The following PPP2R2B variants were observed in gnomAD, a reference collection of about 807,000 sequenced individuals.
PPP2R2B encodes serine/threonine-protein phosphatase 2A 55 kDa regulatory subunit B beta isoform.
PPP2R2B carries 5 observed loss-of-function variants against 46.0 expected under a neutral mutation model. The observed-to-expected ratio is 0.11, with a 90% CI of 0.06 to 0.23. The LOEUF is 0.23. PPP2R2B is among the 10% of genes least tolerant of loss of function. The pLI is 1.00. For missense variants in PPP2R2B, 367 were observed against 575.0 expected (o/e 0.64, Z 3.70); for synonymous variants, 215 against 206.7 (o/e 1.04, Z -0.34).
intron 1 of PPP2R2B, among the ~76,000 whole-genome samples, chr5:146,966,516 A>G (rs1752418772): frequency 6.6e-6 from 1 of 152,160 alleles, no homozygotes; most frequent in Non-Finnish European, 1.5e-5. Flanking sequence ...GACATGACCT[A>G]AGGCCCCTCC....
chr5:146,630,568 C>G lies in PPP2R2B; in HGVS notation c.790+7683G>C, dbSNP rs116082062. Among the ~76,000 whole-genome samples the G allele has an allele frequency of 4.4e-3, 677 of 152,288 alleles. 7 individuals carry two copies. The highest frequency in any genetic ancestry group is 0.016 in the African/African-American group (651 of 41,550). Reference sequence around the variant, plus strand: ...CCCCTTTTAGCTAGTTGCCTCATCTCTAAGATGTGAATAATGGCAGTATGT... The same window carrying G: ...CCCCTTTTAGCTAGTTGCCTCATCTGTAAGATGTGAATAATGGCAGTATGT... On this transcript the variant is annotated intron_variant, in intron 7 of 9. Transcript: ENST00000394411.
chr5:146,916,957 T>C lies in PPP2R2B; in HGVS notation c.79+138708A>G, dbSNP rs138439194. On this transcript the variant is annotated intron_variant, in intron 1 of 8. Transcript: ENST00000336640. The stretch of plus-strand genomic sequence containing the variant: ...CATCTAAAAATTACTTATACAAATA[T>C]AAGTAATTACCAAAGGTATTTTTGT... 2.0e-3 allele frequency among the ~76,000 whole-genome samples: 309 copies of C among 152,198 alleles called. 1 individual carries two copies. Among genetic ancestry groups the C allele is most frequent in the African/African-American group, 7.0e-3 (292 of 41,518 alleles).
intron 2 of PPP2R2B, among the ~76,000 whole-genome samples, chr5:146,756,267 C>T (rs1753825090): frequency 6.6e-6 from 1 of 152,158 alleles, no homozygotes; most frequent in Admixed American, 6.5e-5. Context: ...TTCATTGCCT[C>T]ATTTAATGGG....
intron 5 of PPP2R2B, among the ~76,000 whole-genome samples, chr5:146,663,048 C>T (rs77465118): frequency 0.028 from 4,257 of 152,208 alleles, 190 homozygotes; most frequent in African/African-American, 0.097. Context: ...AGAATTTACT[C>T]TATGCCAGTC....
chr5:147,005,892 T>G (rs1409741514), intron 1 of PPP2R2B, among the ~76,000 whole-genome samples: 2 of 152,196 alleles, frequency 1.3e-5, no homozygotes, highest in African/African-American at 4.8e-5. Context: ...TTAAAACCTA[T>G]AATTGATAAT....
At chr5:146,818,651 G>A (rs938149872) in intron 2 of PPP2R2B, among the ~76,000 whole-genome samples, 3 of 152,174 alleles carry the variant, frequency 2.0e-5, no homozygotes, top group African/African-American at 7.2e-5. Context: ...CCATGATATA[G>A]TTTCATTTTT....
intron 1 of PPP2R2B, among the ~76,000 whole-genome samples, chr5:146,908,472 A>C (rs1763072768): frequency 6.6e-6 from 1 of 151,920 alleles, no homozygotes; most frequent in African/African-American, 2.4e-5. Context: ...TTTTTTGAAC[A>C]TACATATGTA....
intron 1 of PPP2R2B, among the ~76,000 whole-genome samples, chr5:147,053,578 A>G (rs1756936302): frequency 6.6e-6 from 1 of 152,058 alleles, no homozygotes; most frequent in African/African-American, 2.4e-5. Context: ...ACACAACCTC[A>G]GATGTATACT....
intron 5 of PPP2R2B, among the ~76,000 whole-genome samples, chr5:146,672,688 C>T (rs1334001365): frequency 6.6e-6 from 1 of 152,150 alleles, no homozygotes; most frequent in East Asian, 1.9e-4. Context: ...ATAAAGATGG[C>T]AGACCAACCT....
intron 1 of PPP2R2B, among the ~76,000 whole-genome samples, chr5:146,992,846 G>A (rs929417007): frequency 6.6e-6 from 1 of 152,192 alleles, no homozygotes; most frequent in Non-Finnish European, 1.5e-5. Flanking sequence ...GGGGGCTATG[G>A]TAGATAATAT....
intron 7 of PPP2R2B, among the ~76,000 whole-genome samples, chr5:146,631,147 A>G (rs1279783693): frequency 6.6e-6 from 1 of 152,184 alleles, no homozygotes; most frequent in Non-Finnish European, 1.5e-5. Flanking sequence ...GCCTCATCCC[A>G]GTACCTATGA....
At chr5:146,970,103 T>G (rs941048807) in intron 1 of PPP2R2B, among the ~76,000 whole-genome samples, 1 of 152,192 alleles carries the variant, frequency 6.6e-6, no homozygotes, top group African/African-American at 2.4e-5. Context: ...CCCACTGTTT[T>G]ACTCATTACT....
chr5:146,928,429 A>G (rs1012516955), intron 1 of PPP2R2B, among the ~76,000 whole-genome samples: 2 of 151,778 alleles, frequency 1.3e-5, no homozygotes, highest in African/African-American at 4.8e-5. Context: ...TTCCATCTTG[A>G]TTGATATTAA....
chr5:146,774,698 C>A (rs947840111), intron 2 of PPP2R2B, among the ~76,000 whole-genome samples: 3 of 151,726 alleles, frequency 2.0e-5, no homozygotes, highest in East Asian at 1.9e-4. Flanking sequence ...ATGCCAGTAG[C>A]CCCAGCTACT....
At chr5:146,636,144 A>G (rs1161035920) in intron 7 of PPP2R2B, among the ~76,000 whole-genome samples, 1 of 152,170 alleles carries the variant, frequency 6.6e-6, no homozygotes, top group African/African-American at 2.4e-5. Context: ...CTTCCATAAA[A>G]CACAATTTTT....
intron 2 of PPP2R2B, among the ~76,000 whole-genome samples, chr5:146,730,570 G>C (rs947325598): frequency 1.3e-5 from 2 of 152,170 alleles, no homozygotes; most frequent in Non-Finnish European, 2.9e-5. Flanking sequence ...GACCCAGGCA[G>C]AGGTAATTGC....
chr5:146,660,451 C>T (rs1373956135), intron 5 of PPP2R2B, among the ~76,000 whole-genome samples: 5 of 152,150 alleles, frequency 3.3e-5, no homozygotes, highest in Admixed American at 2.0e-4. Flanking sequence ...ATTAGTGGAG[C>T]GTTAAACCTC....
intron 1 of PPP2R2B, among the ~76,000 whole-genome samples, chr5:147,012,139 T>C (rs7444233): frequency 0.47 from 70,037 of 148,934 alleles, 17,928 homozygotes; most frequent in Middle Eastern, 0.59. Context: ...ATTGGAATAG[T>C]TTCAGAAGGA....
chr5:146,690,939 T>C (rs780098187), intron 5 of PPP2R2B, among the ~76,000 whole-genome samples, 189 bp downstream of exon 5: 4 of 152,200 alleles, frequency 2.6e-5, no homozygotes, highest in Non-Finnish European at 5.9e-5. Context: ...GGATTTGTAG[T>C]CATTAGAAGG....
Sources: gnomAD v4.1 joint callset for allele counts (sites outside exome capture counted in the v4.1 genomes callset) on GRCh38, gnomAD v4.1.1 for gene constraint, MANE v1.5 for transcripts, NCBI Gene and HGNC (gene_info 2026-07-23, HGNC 2026-07-21) for gene names.